SPON1: variants seen among roughly 807,000 people sequenced by gnomAD.
The protein encoded by SPON1 is spondin-1.
A neutral mutation model predicts 111.7 loss-of-function variants in SPON1; 52 were observed. That is an observed-to-expected ratio of 0.47 (90% CI 0.37 to 0.59). The LOEUF (loss-of-function observed/expected upper bound fraction) is 0.59, where lower values mean the gene tolerates loss of function less well. SPON1 is among the 20% of genes least tolerant of loss of function. SPON1 has a pLI of 0.00. For synonymous variants in SPON1, 410 were observed against 395.8 expected, an observed-to-expected ratio of 1.04 and a Z score of -0.43; for missense variants, 957 against 1,068.5, an observed-to-expected ratio of 0.90 and a Z score of 1.46.
chr11:14,231,487 TATATA>T (rs1481339685), intron 6 of SPON1, among the ~76,000 whole-genome samples: 4 of 152,114 alleles, frequency 2.6e-5, no homozygotes, highest in Admixed American at 6.5e-5. Flanking sequence ...AATCAAAAGA[TATATA>T]ATAAGGTTAC....
At chr11:14,103,539 G>A (rs1293727631) in intron 5 of SPON1, among the ~76,000 whole-genome samples, 1 of 152,200 alleles carries the variant, frequency 6.6e-6, no homozygotes, top group African/African-American at 2.4e-5. Flanking sequence ...TGGGCCAGAG[G>A]AAAGAGGAGG....
At chr11:14,001,294 T>G (rs1554912412) in intron 2 of SPON1, among the ~76,000 whole-genome samples, 2 of 152,150 alleles carry the variant, frequency 1.3e-5, no homozygotes, top group Non-Finnish European at 2.9e-5. Flanking sequence ...TCCCACACTT[T>G]TGTGAATTTT....
intron 15 of SPON1, among the ~76,000 whole-genome samples, chr11:14,263,589 GACAAATA>G (rs1467202097): frequency 6.6e-6 from 1 of 152,134 alleles, no homozygotes; most frequent in East Asian, 1.9e-4. Context: ...GATCCAAGCT[GACAAATA>G]ACTAATAGAA....
intron 5 of SPON1, among the ~76,000 whole-genome samples, chr11:14,127,150 A>G (rs1847469318): frequency 6.6e-6 from 1 of 152,138 alleles, no homozygotes; most frequent in Non-Finnish European, 1.5e-5. Context: ...TCACTATTTC[A>G]TGGACTTCAG....
At chr11:14,121,235 C>G (rs1304361227) in intron 5 of SPON1, among the ~76,000 whole-genome samples, 1 of 152,120 alleles carries the variant, frequency 6.6e-6, no homozygotes, top group Non-Finnish European at 1.5e-5. Flanking sequence ...ATAGTAGTTA[C>G]TATGTAGTTG....
chr11:13,978,899 C>T (rs1454736012), intron 1 of SPON1, among the ~76,000 whole-genome samples: 4 of 152,206 alleles, frequency 2.6e-5, no homozygotes, highest in African/African-American at 9.6e-5. Context: ...GCTGGAGAGG[C>T]AGAGCCTGAG....
chr11:13,974,166 G>A (rs1264607760), intron 1 of SPON1, among the ~76,000 whole-genome samples: 1 of 152,202 alleles, frequency 6.6e-6, no homozygotes, highest in East Asian at 1.9e-4. Flanking sequence ...AGCTCTGGAA[G>A]TTGTGCAGAA....
intron 5 of SPON1, among the ~76,000 whole-genome samples, chr11:14,128,167 C>A (rs1847483353): frequency 6.6e-6 from 1 of 152,184 alleles, no homozygotes; most frequent in Admixed American, 6.5e-5. Flanking sequence ...CAACAGTCCC[C>A]CAAAGTCTCA....
chr11:14,263,021 G>C (rs782399245), intron 15 of SPON1, 46 bp downstream of exon 15: 4 of 1,592,476 alleles, frequency 2.5e-6, no homozygotes, highest in Non-Finnish European at 3.4e-6. Flanking sequence ...GGACAGGCAG[G>C]GTTCTGCACT....
intron 2 of SPON1, among the ~76,000 whole-genome samples, chr11:13,999,005 C>A (rs1016800190): frequency 6.6e-5 from 10 of 152,124 alleles, no homozygotes; most frequent in African/African-American, 2.4e-4. Flanking sequence ...GAGTGATGAG[C>A]CTCCATTCCA....
chr11:14,103,067 G>A (rs915072128), intron 5 of SPON1, among the ~76,000 whole-genome samples: 5 of 152,076 alleles, frequency 3.3e-5, no homozygotes, highest in African/African-American at 2.4e-5. Flanking sequence ...AGTGTATGAT[G>A]GGGAAAGGCC....
chr11:14,226,786 G>T (rs923830940), intron 6 of SPON1, among the ~76,000 whole-genome samples: 7 of 152,190 alleles, frequency 4.6e-5, no homozygotes, highest in Admixed American at 3.9e-4. Context: ...AGTTCTGGAG[G>T]TTAGAAGTCC....
At chr11:14,226,252 T>A (rs184707629) in intron 6 of SPON1, among the ~76,000 whole-genome samples, 71 of 152,334 alleles carry the variant, frequency 4.7e-4, no homozygotes, top group African/African-American at 1.5e-3. Flanking sequence ...CACTGCTCCC[T>A]TCTAATGACA....
chr11:14,063,718 A>G (rs1477818403), intron 3 of SPON1, among the ~76,000 whole-genome samples: 1 of 152,234 alleles, frequency 6.6e-6, no homozygotes, highest in Admixed American at 6.5e-5. Flanking sequence ...GCAGTCAGCA[A>G]GTGTCTTTTT....
chr11:14,101,239 A>T (rs1849141529), intron 5 of SPON1, among the ~76,000 whole-genome samples: 1 of 152,002 alleles, frequency 6.6e-6, no homozygotes, highest in Admixed American at 6.5e-5. Flanking sequence ...ATCTCTACTA[A>T]AAATACAAAA....
chr11:14,003,774 T>G (rs556890880), intron 2 of SPON1, among the ~76,000 whole-genome samples: 4 of 152,306 alleles, frequency 2.6e-5, no homozygotes, highest in South Asian at 4.1e-4. Flanking sequence ...CATCCATCAT[T>G]GCACATAGTT....
chr11:14,070,927 A>G (rs1240062924), intron 3 of SPON1, among the ~76,000 whole-genome samples: 1 of 152,230 alleles, frequency 6.6e-6, no homozygotes, highest in East Asian at 1.9e-4. Flanking sequence ...TGAGTTATTT[A>G]GAACCTCAAT....
intron 6 of SPON1, among the ~76,000 whole-genome samples, chr11:14,151,995 C>T (rs1379898637): frequency 1.3e-5 from 2 of 152,190 alleles, no homozygotes; most frequent in Admixed American, 1.3e-4. Context: ...AAATGCATGT[C>T]ATTTCTGCCT....
intron 6 of SPON1, among the ~76,000 whole-genome samples, chr11:14,160,390 TTTATATATATATTTATATATATATA>T (rs1564918790): frequency 6.3e-5 from 4 of 64,000 alleles, no homozygotes; most frequent in Non-Finnish European, 1.1e-4. Context: ...TTACATTATT[TTTATATATATATTTATATATATATA>T]TTTATATATA....
Sources: allele counts gnomAD v4.1 joint callset (sites outside exome capture counted in the v4.1 genomes callset), GRCh38; gene constraint gnomAD v4.1.1; transcripts MANE v1.5; gene names NCBI Gene and HGNC (gene_info 2026-07-23, HGNC 2026-07-21).